Variants in CAMTA1 observed in about 807,000 individuals in gnomAD.
CAMTA1 encodes calmodulin-binding transcription activator 1.
A neutral mutation model predicts 170.9 loss-of-function variants in CAMTA1; 27 were observed. That is an observed-to-expected ratio of 0.16 (90% CI 0.12 to 0.22). CAMTA1 has a LOEUF of 0.22. Ranked by LOEUF, CAMTA1 falls within the 10% of genes least tolerant of loss-of-function variation. The pLI is 1.00. For missense variants in CAMTA1, 1,619 were observed against 2,217.2 expected, an observed-to-expected ratio of 0.73 and a Z score of 5.42; for synonymous variants, 833 against 891.5, an observed-to-expected ratio of 0.93 and a Z score of 1.17.
chr1:7,417,872 G>T (rs556555637), intron 5 of CAMTA1, among the ~76,000 whole-genome samples: 11 of 152,124 alleles, frequency 7.2e-5, no homozygotes, highest in East Asian at 1.9e-4. Context: ...TGTCGCTCAC[G>T]CTGGGAGCTA....
intron 5 of CAMTA1, among the ~76,000 whole-genome samples, chr1:7,431,525 C>G (rs1041198752): frequency 1.3e-5 from 2 of 151,936 alleles, no homozygotes; most frequent in Admixed American, 6.6e-5. Context: ...ATAGACTCAG[C>G]TCCACACTGG....
At chr1:7,721,543 C>G (rs1020954928) in intron 11 of CAMTA1, among the ~76,000 whole-genome samples, 6 of 152,006 alleles carry the variant, frequency 3.9e-5, no homozygotes, top group African/African-American at 1.5e-4. Flanking sequence ...TTGGCCTCGG[C>G]AGAGGCCCAG....
chr1:7,001,099 A>C (rs1457489736), intron 3 of CAMTA1, among the ~76,000 whole-genome samples: 4 of 152,272 alleles, frequency 2.6e-5, no homozygotes, highest in Admixed American at 2.6e-4. Context: ...ATGGGAGAAA[A>C]TTTGCTGGGG....
chr1:7,489,704 G>A (rs2093673980), intron 6 of CAMTA1, among the ~76,000 whole-genome samples: 1 of 152,198 alleles, frequency 6.6e-6, no homozygotes, highest in Admixed American at 6.5e-5. Context: ...CACGCATCCA[G>A]CCTCCCCACC....
At chr1:7,637,405 G>T (rs946069222) in intron 6 of CAMTA1, among the ~76,000 whole-genome samples, 10 of 152,216 alleles carry the variant, frequency 6.6e-5, no homozygotes, top group African/African-American at 2.4e-4. Context: ...AGCTGGCATT[G>T]CTGCCTGGCC....
At chr1:6,787,334 T>G (rs1288738832) in intron 1 of CAMTA1, among the ~76,000 whole-genome samples, 1 of 152,252 alleles carries the variant, frequency 6.6e-6, no homozygotes, top group Non-Finnish European at 1.5e-5. Context: ...TTGGCTCTGG[T>G]GTTGTCTCTT....
intron 5 of CAMTA1, among the ~76,000 whole-genome samples, chr1:7,440,705 T>C (rs1290120729): frequency 6.6e-6 from 1 of 152,182 alleles, no homozygotes; most frequent in Non-Finnish European, 1.5e-5. Flanking sequence ...GCTTGGAGCC[T>C]GTGGGCCGAG....
At chr1:7,546,923 T>A (rs903582032) in intron 6 of CAMTA1, among the ~76,000 whole-genome samples, 3 of 151,986 alleles carry the variant, frequency 2.0e-5, no homozygotes, top group African/African-American at 7.3e-5. Context: ...ACTCATTTTC[T>A]GTTTGTAGTT....
intron 4 of CAMTA1, among the ~76,000 whole-genome samples, chr1:7,147,760 A>G (rs1646302206): frequency 6.6e-6 from 1 of 151,282 alleles, no homozygotes; most frequent in Admixed American, 6.6e-5. Context: ...ACACAAACTC[A>G]TATACCATGC....
chr1:7,531,541 G>A (rs1360734046), intron 6 of CAMTA1, among the ~76,000 whole-genome samples: 1 of 152,212 alleles, frequency 6.6e-6, no homozygotes, highest in African/African-American at 2.4e-5. Context: ...CCAGGAAGGA[G>A]ATCTCCAGGA....
chr1:6,976,319 G>A (rs1156877205), intron 3 of CAMTA1, among the ~76,000 whole-genome samples: 1 of 152,176 alleles, frequency 6.6e-6, no homozygotes, highest in Non-Finnish European at 1.5e-5. Flanking sequence ...GATGGGGCAG[G>A]GAGACGGATC....
intron 3 of CAMTA1, among the ~76,000 whole-genome samples, chr1:6,906,268 G>T (rs77956765): frequency 0.098 from 14,873 of 152,160 alleles, 926 homozygotes; most frequent in East Asian, 0.25. Context: ...GGTCTTTCTG[G>T]ATATAGAGGT....
intron 3 of CAMTA1, among the ~76,000 whole-genome samples, chr1:6,858,266 GTA>G (rs1351088565): frequency 6.6e-6 from 1 of 152,062 alleles, no homozygotes; most frequent in African/African-American, 2.4e-5. Flanking sequence ...TTTGTTTACT[GTA>G]TGTTTCTTAG....
At chr1:6,917,786 G>A (rs1290680196) in intron 3 of CAMTA1, among the ~76,000 whole-genome samples, 2 of 151,116 alleles carry the variant, frequency 1.3e-5, no homozygotes, top group South Asian at 4.2e-4. Context: ...AGAGTGGGGT[G>A]GGGGAGGGGG....
chr1:7,707,893 A>G (rs1307426304), intron 11 of CAMTA1, among the ~76,000 whole-genome samples: 2 of 152,110 alleles, frequency 1.3e-5, no homozygotes, highest in Non-Finnish European at 1.5e-5. Flanking sequence ...TTTCTTTGCT[A>G]TTCTCTTATG....
intron 4 of CAMTA1, among the ~76,000 whole-genome samples, chr1:7,157,335 ACT>A (rs1646946927): frequency 2.1e-5 from 2 of 97,506 alleles, no homozygotes; most frequent in South Asian, 7.9e-4. Flanking sequence ...ACAGAGTGAG[ACT>A]CTGTCTCAAA....
intron 5 of CAMTA1, among the ~76,000 whole-genome samples, chr1:7,445,559 G>C (rs1410205626): frequency 1.6e-4 from 25 of 152,156 alleles, no homozygotes; most frequent in Admixed American, 1.4e-3. Flanking sequence ...CAGCCTGGAG[G>C]GGGAGGCGGA....
chr1:7,478,769 A>G (rs2093465809), intron 6 of CAMTA1, among the ~76,000 whole-genome samples: 1 of 152,164 alleles, frequency 6.6e-6, no homozygotes, highest in African/African-American at 2.4e-5. Flanking sequence ...AGATGTGGAG[A>G]ATGCAGAAGC....
intron 4 of CAMTA1, among the ~76,000 whole-genome samples, chr1:7,110,172 T>C (rs1158666935): frequency 6.6e-6 from 1 of 152,186 alleles, no homozygotes; most frequent in African/African-American, 2.4e-5. Context: ...CCATTCACTC[T>C]CTTCCAGTAG....
Sources: gnomAD v4.1 joint callset for allele counts (sites outside exome capture counted in the v4.1 genomes callset) on GRCh38, gnomAD v4.1.1 for gene constraint, MANE v1.5 for transcripts, NCBI Gene and HGNC (gene_info 2026-07-23, HGNC 2026-07-21) for gene names.